The following COL18A1 variants were observed in gnomAD, a reference collection of about 807,000 sequenced individuals.
COL18A1 encodes collagen type XVIII alpha 1 chain, also known as collagen alpha-1(XVIII) chain.
Under a neutral mutation model 168.0 loss-of-function variants are expected in COL18A1, and 133 were observed. That is an observed-to-expected ratio of 0.79 (90% CI 0.69 to 0.91). COL18A1 has a LOEUF of 0.91. Ranked by LOEUF, COL18A1 falls within the 40% of genes least tolerant of loss-of-function variation. The pLI is 0.00. For synonymous variants in COL18A1, 949 were observed against 809.0 expected (o/e 1.17, Z -2.94); for missense variants, 2,126 against 1,925.4 (o/e 1.10, Z -1.95).
At chr21:45,422,579 C>A in intron 2 of COL18A1, 1 of 484,232 alleles carries the variant, frequency 2.1e-6, no homozygotes, top group Non-Finnish European at 4.3e-6. Flanking sequence ...GAGTCGCCGT[C>A]CTGTGCGGGT....
rs1157751414 is a variant in COL18A1, at chr21:45,498,393, C to T, written c.2683+732C>T. 6.0e-6 allele frequency: 4 copies of T among 665,018 alleles called. No homozygotes were observed. Among genetic ancestry groups the T allele is most frequent in the Non-Finnish European group, 1.1e-5 (4 of 357,646 alleles). 41.2% of individuals were successfully genotyped at this position (665,018 alleles called of 1,614,324 possible). The stretch of plus-strand genomic sequence containing the variant: ...CACGGTCCCCTCTCGCCGCCAGGGT[C>T]CCCTCTCGCCGCCAGGGTCCCCTCT... On this transcript the variant is annotated intron_variant, in intron 32 of 41. Transcript: ENST00000651438. The surrounding 1 kb of genome is among the most constrained non-coding windows in gnomAD (Gnocchi z 4.5).
chr21:45,444,495 C>G (rs2034463014), intron 2 of COL18A1, among the ~76,000 whole-genome samples: 1 of 152,094 alleles, frequency 6.6e-6, no homozygotes, highest in South Asian at 2.1e-4. Context: ...ATGCACATGC[C>G]AGGATAGTTG....
Position 45,511,206 on chromosome 21 carries a change from C to T in COL18A1, c.3789C>T (p.Asp1263=), listed in dbSNP as rs780143332. 4.6e-5 allele frequency: 73 copies of T among 1,585,710 alleles called. No homozygotes were observed. Among genetic ancestry groups the T allele is most frequent in the Non-Finnish European group, 5.2e-5 (61 of 1,163,578 alleles). The change falls in exon 41 of 42, where the codon GAC becomes GAT. Residue 1263 remains aspartate (D), a synonymous_variant. Coordinates refer to ENST00000651438, the MANE Select transcript of COL18A1 (RefSeq NM_001379500.1). ...GARIFSFDGK[D]VLRHPTWPQK... is the part of the protein sequence containing the mutation. ...GCATCTTCTCCTTTGACGGCAAGGACGTCCTGAGGCACCCCACCTGGTAGG... is the reference window on the plus strand; with the variant it reads ...GCATCTTCTCCTTTGACGGCAAGGATGTCCTGAGGCACCCCACCTGGTAGG...
rs563521109 is a variant in COL18A1, at chr21:45,505,891, C to T, written c.3141C>T (p.Pro1047=). 64 of 1,612,918 alleles carry T rather than the reference C, an allele frequency of 4.0e-5. No individual in the cohort carries two copies. Among genetic ancestry groups the T allele is most frequent in the Admixed American group, 1.8e-4 (11 of 60,028 alleles). The change falls in exon 37 of 42, where the codon CCC becomes CCT. Residue 1047 remains proline, a synonymous_variant. Transcript: ENST00000651438. ...QAMLGQVHEV[P]EGWLIFVAEQ... is the part of the protein sequence containing the mutation. ...TGCTGGGCCAGGTGCACGAGGTTCC[C>T]GAGGGCTGGCTCATCTTCGTGGCCG...
intron 2 of COL18A1, chr21:45,419,789 C>G (rs1015537238): frequency 6.6e-6 from 1 of 152,186 alleles, no homozygotes; most frequent in Admixed American, 6.5e-5. Context: ...GAGGCCCCAG[C>G]CAGTACAGCG....
Position 45,405,449 on chromosome 21 carries a change from G to A in COL18A1, c.82G>A (p.Val28Ile). 1 of 1,381,460 alleles carries A rather than the reference G, an allele frequency of 7.2e-7. No homozygotes were observed. Among genetic ancestry groups the A allele is most frequent in the Non-Finnish European group, 9.4e-7 (1 of 1,059,802 alleles). The allele number at this position is 1,381,460 out of a possible 1,614,324, so 85.6% of individuals were successfully genotyped here. Residue 28 changes from valine (V) to isoleucine (I), a missense_variant, in exon 2 of 42, where the codon GTC (valine) becomes ATC (isoleucine). Coordinates refer to ENST00000651438, the MANE Select transcript of COL18A1 (RefSeq NM_001379500.1). ...VLAPLVLLLG[V>I]RAASAEPERI... is the part of the protein sequence containing the mutation. The stretch of plus-strand genomic sequence containing the variant: ...CGCGCCCCTGGTCCTGCTGCTCGGG[G>A]TCCGCGCGGCCTCCGCGGAGCCAGG...
At chr21:45,468,912 C>A in intron 3 of COL18A1, 126 bp downstream of exon 3, 1 of 1,039,100 alleles carries the variant, frequency 9.6e-7, no homozygotes, top group Non-Finnish European at 1.4e-6. Flanking sequence ...CTGTGGTCAG[C>A]CCGGGCCTCC....
intron 34 of COL18A1, among the ~76,000 whole-genome samples, chr21:45,504,861 T>G (rs1227812202): frequency 6.6e-6 from 1 of 152,068 alleles, no homozygotes. Flanking sequence ...CCATCAGTCC[T>G]GAAAGACTCC....
At chr21:45,439,823 C>T (rs181492854) in intron 2 of COL18A1, among the ~76,000 whole-genome samples, 1 of 152,148 alleles carries the variant, frequency 6.6e-6, no homozygotes, top group East Asian at 1.9e-4. Flanking sequence ...CTCTCTGCGC[C>T]CCTGAGTGCT....
At chr21:45,493,064 GGCA>G in intron 24 of COL18A1, 96 bp from the exon 25 acceptor site, 1 of 1,241,720 alleles carries the variant, frequency 8.1e-7, no homozygotes, top group South Asian at 1.3e-5. Context: ...TGTCGAGGCA[GGCA>G]TATTGCGGGG....
intron 2 of COL18A1, chr21:45,420,120 C>T: frequency 6.6e-6 from 1 of 152,386 alleles, no homozygotes; most frequent in Non-Finnish European, 1.5e-5. Flanking sequence ...CCTGAGTGTG[C>T]AGCAGCTCCC....
chr21:45,486,789 G>T, intron 15 of COL18A1, 72 bp from the exon 16 acceptor site: 2 of 1,491,588 alleles, frequency 1.3e-6, no homozygotes, highest in Non-Finnish European at 1.8e-6. Context: ...ATAAGAAAAC[G>T]TGTCTACGCT....
At position 45,505,120 on chromosome 21, in the gene COL18A1, G is replaced by A. The variant is rs200884317; in HGVS notation, c.2869-14G>A. ...ACGAGGTAACCAGGAAGCGTCTCTT[G>A]TCGCCGTCCGTAGGGTCCCAAGGGA... On this transcript the variant is annotated splice_polypyrimidine_tract_variant and intron_variant, in intron 34 of 41. Coordinates refer to ENST00000651438, the MANE Select transcript of COL18A1 (RefSeq NM_001379500.1). 1.3e-3 allele frequency: 2,104 copies of A among 1,606,620 alleles called. 6 individuals carry two copies. The highest frequency in any genetic ancestry group is 1.1e-3 in the Non-Finnish European group (1,324 of 1,178,336).
intron 2 of COL18A1, among the ~76,000 whole-genome samples, chr21:45,441,867 T>TC (rs1306609890): frequency 5.9e-5 from 9 of 152,072 alleles, no homozygotes; most frequent in Non-Finnish European, 5.9e-5. Flanking sequence ...AAGGAGGGAC[T>TC]CCCCATGCCA....
intron 2 of COL18A1, among the ~76,000 whole-genome samples, chr21:45,430,065 G>A (rs573051168): frequency 2.7e-5 from 4 of 150,452 alleles, no homozygotes; most frequent in African/African-American, 9.9e-5. Flanking sequence ...AGCATGTGAA[G>A]TGGGGTCATG....
rs1176420856 is a variant in COL18A1, at chr21:45,457,391, A to G, written c.107-10851A>G. Among the ~76,000 whole-genome samples the G allele has an allele frequency of 7.2e-5, 11 of 152,154 alleles. No homozygotes were observed. The stretch of plus-strand genomic sequence containing the variant: ...CAGAGACCCTACCAGCGTGGGGACC[A>G]GGGAGGTCTGCAGGGCCCGTCCTGA... On this transcript the variant is annotated intron_variant, in intron 2 of 41. Coordinates refer to ENST00000651438, the MANE Select transcript of COL18A1 (RefSeq NM_001379500.1). This position sits in a 1 kb window ranked among gnomAD's most constrained non-coding sequence, Gnocchi z 4.6.
intron 2 of COL18A1, chr21:45,456,268 C>T (rs770778212): frequency 1.3e-5 from 20 of 1,578,164 alleles, no homozygotes; most frequent in African/African-American, 6.8e-5. Context: ...CCGCCGCAGC[C>T]GCTCCCAGCC....
In COL18A1 at chr21:45,494,921, G is replaced by A. The variant is rs1351062686; in HGVS notation, c.2433+6G>A. On this transcript the variant is annotated splice_donor_region_variant and intron_variant, in intron 28 of 41. Transcript: ENST00000651438. ...TTGGCTTTCCTGGACGGCCGGTGAG[G>A]ACCTGGGGTCTCCAGTGGGGGCGGC... 6.2e-7 allele frequency: 1 copy of A among 1,609,674 alleles called. No homozygotes were observed. Among genetic ancestry groups the A allele is most frequent in the South Asian group, 1.1e-5 (1 of 90,448 alleles).
chr21:45,504,223 C>T lies in COL18A1; in HGVS notation c.2727+169C>T, dbSNP rs915893727. ...GGCGTCCCTCAGGATGTTCCTGTCCCCGGCTCAGTTTTTGGGGGACTCGGC... is the reference window on the plus strand; with the variant it reads ...GGCGTCCCTCAGGATGTTCCTGTCCTCGGCTCAGTTTTTGGGGGACTCGGC... On this transcript the variant is annotated intron_variant, in intron 33 of 41. Coordinates refer to ENST00000651438, the MANE Select transcript of COL18A1 (RefSeq NM_001379500.1). 8.6e-6 allele frequency: 8 copies of T among 934,566 alleles called. No individual in the cohort carries two copies. The Admixed American group carries it at 1.7e-4, about 20-fold the overall frequency. 57.9% of individuals were successfully genotyped at this position (934,566 alleles called of 1,614,324 possible).
Sources: gnomAD v4.1 joint callset for allele counts (sites outside exome capture counted in the v4.1 genomes callset) on GRCh38, gnomAD v4.1.1 for gene constraint, Gnocchi (gnomAD v3.1) non-coding constraint, MANE v1.5 for transcripts, NCBI Gene and HGNC (gene_info 2026-07-23, HGNC 2026-07-21) for gene names.